The following COL11A1 variants were observed in gnomAD, a reference collection of about 807,000 sequenced individuals.
COL11A1 encodes collagen type XI alpha 1 chain.
Under a neutral mutation model 265.2 loss-of-function variants are expected in COL11A1, and 74 were observed. The observed-to-expected ratio is 0.28, with a 90% CI of 0.23 to 0.34. COL11A1 has a LOEUF of 0.34. Ranked by LOEUF, COL11A1 falls within the 10% of genes least tolerant of loss-of-function variation. The pLI is 1.00. For missense variants in COL11A1, 2,165 were observed against 2,263.6 expected, an observed-to-expected ratio of 0.96 and a Z score of 0.88; for synonymous variants, 816 against 727.6, an observed-to-expected ratio of 1.12 and a Z score of -1.96.
rs552930841 is a variant in COL11A1 at position 103,107,595 on chromosome 1, CA to C, written c.106+477del. Among the ~76,000 whole-genome samples, 247 of 149,374 alleles carry C rather than the reference CA, an allele frequency of 1.7e-3. 1 individual carries two copies. The highest frequency in any genetic ancestry group is 0.011 in the South Asian group (49 of 4,640). On this transcript the variant is annotated intron_variant, in intron 1 of 66. Coordinates refer to ENST00000370096, the MANE Select transcript of COL11A1 (RefSeq NM_001854.4). ...AAACAGCCTGCTTCTCACTTGGTTG[CA>C]GACAAAGAACTTTATCAAGGTTCAT...
At position 103,042,047 on chromosome 1, in the gene COL11A1, T is replaced by C. The variant is rs1050094312; in HGVS notation, c.652-10803A>G. Among the ~76,000 whole-genome samples, 10 of 152,178 alleles carry C rather than the reference T, an allele frequency of 6.6e-5. No homozygotes were observed. The South Asian group carries it at 1.7e-3, about 25-fold the overall frequency. ...ATTATAAATAAGATAGTAATTATAT[T>C]TCTCCTATAACTTTTAATTCTAACT... On this transcript the variant is annotated intron_variant, in intron 4 of 66. Transcript: ENST00000370096.
At chr1:102,902,073 TAC>T (rs2100947662) in intron 54 of COL11A1, among the ~76,000 whole-genome samples, 1 of 152,350 alleles carries the variant, frequency 6.6e-6, no homozygotes, top group South Asian at 2.1e-4. Context: ...ATCTGAATCT[TAC>T]AGTGTGAGTT....
intron 1 of COL11A1, among the ~76,000 whole-genome samples, chr1:103,093,259 G>T (rs1400660041): frequency 6.6e-6 from 1 of 151,976 alleles, no homozygotes; most frequent in Non-Finnish European, 1.5e-5. Flanking sequence ...TGCCAAAAAG[G>T]GTGGTTCGAT....
chr1:102,930,375 T>C (rs896684655), intron 46 of COL11A1, among the ~76,000 whole-genome samples: 34 of 151,850 alleles, frequency 2.2e-4, no homozygotes, highest in African/African-American at 8.0e-4. Context: ...TTTGGCTCTG[T>C]TTATATGCTG....
chr1:102,958,800 G>A (rs1294290287), intron 41 of COL11A1, among the ~76,000 whole-genome samples: 3 of 152,140 alleles, frequency 2.0e-5, no homozygotes, highest in Admixed American at 2.0e-4. Context: ...AATTTTTTGT[G>A]ACTGCCAAGA....
At chr1:103,088,441 C>G (rs1031501699) in intron 1 of COL11A1, among the ~76,000 whole-genome samples, 1 of 152,126 alleles carries the variant, frequency 6.6e-6, no homozygotes, top group African/African-American at 2.4e-5. Context: ...TCCCATAGAC[C>G]TCCTTGCTGC....
At chr1:102,982,411 G>T (rs1482782693) in intron 31 of COL11A1, among the ~76,000 whole-genome samples, 1 of 151,914 alleles carries the variant, frequency 6.6e-6, no homozygotes, top group Non-Finnish European at 1.5e-5. Flanking sequence ...TTAATAAATA[G>T]ATCAAGAATG....
chr1:102,969,303 T>A (rs1661731357), intron 37 of COL11A1, among the ~76,000 whole-genome samples: 1 of 152,178 alleles, frequency 6.6e-6, no homozygotes, highest in South Asian at 2.1e-4. Context: ...GATTTCAGAT[T>A]TATTATAGTA....
chr1:102,966,382 G>T (rs1661405282), intron 37 of COL11A1, among the ~76,000 whole-genome samples: 1 of 151,986 alleles, frequency 6.6e-6, no homozygotes, highest in South Asian at 2.1e-4. Flanking sequence ...AAAAAAAATG[G>T]GTAGGAACTA....
intron 54 of COL11A1, among the ~76,000 whole-genome samples, chr1:102,906,381 T>C (rs1653981374): frequency 6.6e-6 from 1 of 152,148 alleles, no homozygotes; most frequent in Admixed American, 6.6e-5. Flanking sequence ...ATAATGTTAG[T>C]AAGTAATTTG....
At chr1:102,970,377 G>T in intron 36 of COL11A1, 105 bp from the exon 37 acceptor site, 2 of 811,900 alleles carry the variant, frequency 2.5e-6, no homozygotes, top group Non-Finnish European at 4.0e-6. Flanking sequence ...ATTTCCATTA[G>T]CTATTTTACT....
At chr1:103,004,792 C>T in intron 18 of COL11A1, 131 bp from the exon 19 acceptor site, 1 of 715,290 alleles carries the variant, frequency 1.4e-6, no homozygotes, top group East Asian at 2.8e-5. Context: ...TTACCCTCCT[C>T]AAAAAATTTT....
intron 4 of COL11A1, among the ~76,000 whole-genome samples, chr1:103,064,535 A>C (rs904355122): frequency 4.0e-5 from 6 of 151,664 alleles, no homozygotes; most frequent in East Asian, 1.9e-4. Flanking sequence ...TAAAAACACA[A>C]AAAAAATTAG....
chr1:102,973,066 ATC>A (rs942215154), intron 36 of COL11A1, among the ~76,000 whole-genome samples: 10 of 152,006 alleles, frequency 6.6e-5, no homozygotes, highest in African/African-American at 2.4e-4. Flanking sequence ...GGTTTTTTCT[ATC>A]TCTCTACCCC....
chr1:102,965,637 T>C, intron 37 of COL11A1, 97 bp from the exon 38 acceptor site: 1 of 902,362 alleles, frequency 1.1e-6, no homozygotes, highest in Admixed American at 2.0e-5. Flanking sequence ...TAAAAGAAAG[T>C]CACCTATTGA....
rs1557966331 is a variant in COL11A1, at chr1:103,027,399, ATATATATATATAT to A, written c.781-1080_781-1068del. 5.6e-3 allele frequency among the ~76,000 whole-genome samples: 101 copies of A among 18,004 alleles called. 1 individual carries two copies. Among genetic ancestry groups the A allele is most frequent in the African/African-American group, 0.01 (94 of 9,344 alleles). 11.8% of individuals were successfully genotyped at this position (18,004 alleles called of 152,430 possible). The stretch of plus-strand genomic sequence containing the variant: ...AAACTCAACAAGTTAAAACTCTAAT[ATATATATATATAT>A]ATATATATATATATATATATATATA... On this transcript the variant is annotated intron_variant, in intron 5 of 66. Transcript: ENST00000370096.
chr1:102,926,779 TAA>T (rs529576689), intron 46 of COL11A1, among the ~76,000 whole-genome samples: 1 of 151,830 alleles, frequency 6.6e-6, no homozygotes, highest in African/African-American at 2.4e-5. Flanking sequence ...AGTAGTCAAA[TAA>T]AAAAAAGAAA....
intron 1 of COL11A1, among the ~76,000 whole-genome samples, chr1:103,084,111 T>C (rs895749088): frequency 6.6e-6 from 1 of 152,202 alleles, no homozygotes; most frequent in African/African-American, 2.4e-5. Flanking sequence ...ACATTAAATT[T>C]GCCATTTTAG....
At chr1:103,080,614 A>C (rs1174858633) in intron 2 of COL11A1, among the ~76,000 whole-genome samples, 1 of 151,900 alleles carries the variant, frequency 6.6e-6, no homozygotes, top group East Asian at 1.9e-4. Context: ...TCAAAACTGC[A>C]ATGAGCTATT....
Sources: allele counts gnomAD v4.1 joint callset (sites outside exome capture counted in the v4.1 genomes callset), GRCh38; gene constraint gnomAD v4.1.1; transcripts MANE v1.5; gene names NCBI Gene and HGNC (gene_info 2026-07-23, HGNC 2026-07-21).